The following MAPKAPK2 variants were observed in gnomAD, a reference collection of about 807,000 sequenced individuals.
MAPKAPK2 encodes the protein MAPK activated protein kinase 2.
Under a neutral mutation model 48.8 loss-of-function variants are expected in MAPKAPK2, and 9 were observed. That is an observed-to-expected ratio of 0.18 (90% confidence interval 0.11 to 0.32). MAPKAPK2 has a LOEUF of 0.32. Ranked by LOEUF, MAPKAPK2 falls within the 10% of genes least tolerant of loss-of-function variation. MAPKAPK2 has a pLI of 1.00. For missense variants in MAPKAPK2, 331 were observed against 498.3 expected (o/e 0.66, Z 3.20); for synonymous variants, 202 against 190.6 (o/e 1.06, Z -0.49).
intron 1 of MAPKAPK2, among the ~76,000 whole-genome samples, chr1:206,703,350 G>A (rs1413264057): frequency 6.6e-6 from 1 of 152,208 alleles, no homozygotes; most frequent in Non-Finnish European, 1.5e-5. Context: ...ATAATGAGTG[G>A]AACCAAAGAT....
intron 1 of MAPKAPK2, among the ~76,000 whole-genome samples, chr1:206,711,484 C>T (rs1275214972): frequency 2.0e-5 from 3 of 152,060 alleles, no homozygotes; most frequent in African/African-American, 4.8e-5. Context: ...CTCCTGACCT[C>T]AAGTGACCCA....
At chr1:206,719,844 T>G (rs1186573207) in intron 1 of MAPKAPK2, among the ~76,000 whole-genome samples, 1 of 152,242 alleles carries the variant, frequency 6.6e-6, no homozygotes, top group African/African-American at 2.4e-5. Context: ...GGCAGCATCT[T>G]ATTTCTTTCC....
intron 1 of MAPKAPK2, among the ~76,000 whole-genome samples, chr1:206,710,188 A>T (rs56752768): frequency 6.6e-6 from 1 of 152,174 alleles, no homozygotes; most frequent in Non-Finnish European, 1.5e-5. Flanking sequence ...AGTTGCCAGG[A>T]TATATGTATT....
chr1:206,718,610 C>A (rs1468149989), intron 1 of MAPKAPK2, among the ~76,000 whole-genome samples: 7 of 151,882 alleles, frequency 4.6e-5, no homozygotes, highest in African/African-American at 1.7e-4. Context: ...TATCTGCTTT[C>A]CCATTTAATA....
chr1:206,710,815 A>G (rs560781077), intron 1 of MAPKAPK2, among the ~76,000 whole-genome samples: 1 of 152,366 alleles, frequency 6.6e-6, no homozygotes, highest in South Asian at 2.1e-4. Flanking sequence ...CTCATTCCAT[A>G]TTGGATGTTA....
At chr1:206,703,476 G>C (rs1424034182) in intron 1 of MAPKAPK2, among the ~76,000 whole-genome samples, 1 of 152,178 alleles carries the variant, frequency 6.6e-6, no homozygotes, top group Non-Finnish European at 1.5e-5. Context: ...GGGCTGCTTG[G>C]AGAGCAGGTG....
chr1:206,696,062 G>A, intron 1 of MAPKAPK2: 2 of 967,754 alleles, frequency 2.1e-6, no homozygotes. Context: ...AGCATGTGGT[G>A]AGGATTCATC....
At chr1:206,727,326 T>C (rs1553431933) in intron 1 of MAPKAPK2, among the ~76,000 whole-genome samples, 1 of 152,194 alleles carries the variant, frequency 6.6e-6, no homozygotes, top group Non-Finnish European at 1.5e-5. Context: ...ATCCCCACTT[T>C]ACAAAGGAAG....
At chr1:206,706,240 G>A (rs1371903190) in intron 1 of MAPKAPK2, among the ~76,000 whole-genome samples, 1 of 152,012 alleles carries the variant, frequency 6.6e-6, no homozygotes, top group African/African-American at 2.4e-5. Flanking sequence ...AGGAGCTAGG[G>A]GAGGTGTCCT....
Position 206,704,008 on chromosome 1 carries a change from A to G in MAPKAPK2, c.279+18500A>G, listed in dbSNP as rs1344901133. Among the ~76,000 whole-genome samples, 2 of 152,164 alleles carry G rather than the reference A, an allele frequency of 1.3e-5. No individual in the cohort carries two copies. The highest frequency in any genetic ancestry group is 1.3e-4 in the Admixed American group (2 of 15,284). ...AGCTGCCTGCGGAAGTCAGTGGGAG[A>G]CACCCTTTCAGGGTCTGCTTCATTA... On this transcript the variant is annotated intron_variant, in intron 1 of 9. Coordinates refer to ENST00000367103, the MANE Select transcript of MAPKAPK2 (RefSeq NM_032960.4). This position sits in a 1 kb window ranked among gnomAD's most constrained non-coding sequence, Gnocchi z 4.3.
rs578132080 is a variant in MAPKAPK2 at position 206,702,593 on chromosome 1, A to G, written c.279+17085A>G. Among the ~76,000 whole-genome samples the G allele has an allele frequency of 4.1e-4, 62 of 152,364 alleles. No homozygotes were observed. In the Middle Eastern group the frequency reaches 0.014, roughly 33 times the overall value. On this transcript the variant is annotated intron_variant, in intron 1 of 9. Transcript: ENST00000367103. ...TCTTTGCATGTTAGCACTTGTTAAC[A>G]CCGACCTGGTTTTCTTCAGAGACAT...
intron 1 of MAPKAPK2, chr1:206,696,264 T>C: frequency 7.9e-7 from 1 of 1,269,400 alleles, no homozygotes; most frequent in Non-Finnish European, 1.2e-6. Flanking sequence ...CCTTTCAAGG[T>C]GCCATTTCTG....
At chr1:206,691,504 T>TACAC (rs1553426272) in intron 1 of MAPKAPK2, among the ~76,000 whole-genome samples, 6 of 112,168 alleles carry the variant, frequency 5.3e-5, no homozygotes, top group South Asian at 2.7e-4. Flanking sequence ...TATATATATA[T>TACAC]ACACACATAC....
chr1:206,730,571 C>T (rs1553432495), intron 5 of MAPKAPK2, 117 bp from the exon 6 acceptor site: 3 of 854,158 alleles, frequency 3.5e-6, no homozygotes, highest in African/African-American at 1.6e-5. Flanking sequence ...TGTGCCCCAA[C>T]TGCTGCCACC....
In MAPKAPK2 at chr1:206,732,572, C is replaced by A. The variant is rs921483174; in HGVS notation, c.1060-3C>A. 5.6e-6 allele frequency: 9 copies of A among 1,613,798 alleles called. No individual in the cohort carries two copies. The highest frequency in any genetic ancestry group is 1.7e-5 in the Admixed American group (1 of 60,008). ...ACCCTTCCTGGTGCTGCCGTGCCCC[C>A]AGGAGGAGATGACCAGTGCCTTGGC... On this transcript the variant is annotated splice_polypyrimidine_tract_variant and splice_region_variant and intron_variant, in intron 9 of 9. Coordinates refer to ENST00000367103, the MANE Select transcript of MAPKAPK2 (RefSeq NM_032960.4). This position sits in a 1 kb window ranked among gnomAD's most constrained non-coding sequence, Gnocchi z 4.4.
Position 206,731,650 on chromosome 1 carries a change from C to T in MAPKAPK2, c.903C>T (p.Leu301=), listed in dbSNP as rs201019470. ...WSEVSEEVKM[L]IRNLLKTEPT... ...TGTCCCACCCCACAGTGAAGATGCT[C>T]ATTCGGAATCTGCTGAAAACAGAGC... Residue 301 remains leucine (L), a synonymous_variant, in exon 8 of 10, where the codon CTC becomes CTT. Transcript: ENST00000367103. This position sits in a 1 kb window ranked among gnomAD's most constrained non-coding sequence, Gnocchi z 5.9. 74 of 1,613,956 alleles carry T rather than the reference C, an allele frequency of 4.6e-5. No individual in the cohort carries two copies. In the East Asian group the frequency reaches 1.5e-3, roughly 33 times the overall value.
chr1:206,703,047 A>C (rs1303309000), intron 1 of MAPKAPK2, among the ~76,000 whole-genome samples: 1 of 152,188 alleles, frequency 6.6e-6, no homozygotes, highest in Non-Finnish European at 1.5e-5. Flanking sequence ...CCTTGCGGAC[A>C]AGAACTATGT....
rs59368306 is a variant in MAPKAPK2, at chr1:206,699,958, T to TTCTCTCTC, written c.279+14458_279+14465dup. Among the ~76,000 whole-genome samples the TTCTCTCTC allele has an allele frequency of 6.4e-3, 963 of 150,342 alleles. 3 individuals carry two copies. The highest frequency in any genetic ancestry group is 0.011 in the Non-Finnish European group (735 of 67,546). ...TCTTTTCTCCTTTCTTTTCGTTTCTTTCTCTCTCTCTCTCTTCTTTTTTTC... is the reference window on the plus strand; with the variant it reads ...TCTTTTCTCCTTTCTTTTCGTTTCTTTCTCTCTCTCTCTCTCTCTCTCTTCTTTTTTTC... On this transcript the variant is annotated intron_variant, in intron 1 of 9. Coordinates refer to ENST00000367103, the MANE Select transcript of MAPKAPK2 (RefSeq NM_032960.4).
Position 206,732,033 on chromosome 1 carries a change from C to G in MAPKAPK2, c.1059+114C>G. The G allele has an allele frequency of 6.2e-7, 1 of 1,614,090 alleles. No individual in the cohort carries two copies. Among genetic ancestry groups the G allele is most frequent in the South Asian group, 1.1e-5 (1 of 91,084 alleles). On this transcript the variant is annotated intron_variant, in intron 9 of 9. Coordinates refer to ENST00000367103, the MANE Select transcript of MAPKAPK2 (RefSeq NM_032960.4). This position sits in a 1 kb window ranked among gnomAD's most constrained non-coding sequence, Gnocchi z 4.4. ...GAGAGCTTGATTCTGCCTCTCTCAT[C>G]CCAGGGGTGTCTTCATGACAAGAAC...
Sources: gnomAD v4.1 joint callset for allele counts (sites outside exome capture counted in the v4.1 genomes callset) on GRCh38, gnomAD v4.1.1 for gene constraint, Gnocchi (gnomAD v3.1) non-coding constraint, MANE v1.5 for transcripts, NCBI Gene and HGNC (gene_info 2026-07-23, HGNC 2026-07-21) for gene names.